The following PLCH2 variants were observed in gnomAD, a reference collection of about 807,000 sequenced individuals.
PLCH2 encodes phospholipase C eta 2.
Under a neutral mutation model 134.7 loss-of-function variants are expected in PLCH2, and 98 were observed. The ratio of observed to expected loss-of-function variants is 0.73; its 90% CI spans 0.62 to 0.86. PLCH2 has a LOEUF of 0.86. Among genes scored for constraint, PLCH2 ranks in the 40% least tolerant of loss-of-function variants. The pLI is 0.00. For missense variants in PLCH2, 1,994 were observed against 1,986.6 expected (o/e 1.00, Z -0.07); for synonymous variants, 974 against 827.5 (o/e 1.18, Z -3.04).
intron 1 of PLCH2, among the ~76,000 whole-genome samples, chr1:2,430,042 C>T (rs867130517): frequency 1.5e-4 from 23 of 152,166 alleles, no homozygotes; most frequent in African/African-American, 3.6e-4. Flanking sequence ...GCTGTGGCCT[C>T]GGGTCCCTGG....
intron 4 of PLCH2, among the ~76,000 whole-genome samples, chr1:2,480,990 G>C (rs1033747142): frequency 6.6e-6 from 1 of 152,236 alleles, no homozygotes; most frequent in Non-Finnish European, 1.5e-5. Context: ...GCCAGGCCCT[G>C]GGGTCTCTGA....
Position 2,495,530 on chromosome 1 carries a change from G to A in PLCH2, c.1795G>A (p.Gly599Arg), listed in dbSNP as rs1399146626. 2 of 1,551,994 alleles carry A rather than the reference G, an allele frequency of 1.3e-6. No homozygotes were observed. Among genetic ancestry groups the A allele is most frequent in the Admixed American group, 2.0e-5 (1 of 51,078 alleles). ...KLKKAASVEE[G>R]DEGQDSPGGQ... ...GAAGAAGGCGGCCAGCGTGGAGGAG[G>A]GAGATGAGGGTCAGGACTCCCCGGG... is the stretch of plus-strand genomic sequence containing the variant. The change falls in exon 13 of 22, where the codon GGA becomes AGA. Residue 599 changes from glycine (G) to arginine (R), a missense_variant. By Grantham distance (125) the Gly-to-Arg change is moderately radical (BLOSUM62 -2). Around this residue, in one of 2 missense-constraint regions of PLCH2, gnomAD observed 1,094 missense variants for 1,234.3 expected, o/e 0.89. Coordinates refer to ENST00000378486, the MANE Select transcript of PLCH2 (RefSeq NM_014638.4).
At chr1:2,455,578 C>T (rs1175259253) in intron 2 of PLCH2, among the ~76,000 whole-genome samples, 3 of 152,300 alleles carry the variant, frequency 2.0e-5, no homozygotes, top group African/African-American at 7.2e-5. Context: ...TGCTCTGTGG[C>T]CACCATAGCT....
At chr1:2,422,495 C>T (rs969747424), upstream of PLCH2, among the ~76,000 whole-genome samples, 4 of 152,124 alleles carry the variant, frequency 2.6e-5, no homozygotes, top group Non-Finnish European at 1.5e-5. Flanking sequence ...AGGGCTGAGC[C>T]GCCTTTTCAG....
chr1:2,489,695 G>A, intron 9 of PLCH2, 65 bp from the exon 10 acceptor site: 1 of 1,304,198 alleles, frequency 7.7e-7, no homozygotes, highest in Non-Finnish European at 1.1e-6. Context: ...CTCTTTGTGG[G>A]TGCCAGGTAC....
rs1643258680 is a variant in PLCH2 at position 2,502,138 on chromosome 1, C to T, written c.2688C>T (p.Gly896=). 2 of 1,468,298 alleles carry T rather than the reference C, an allele frequency of 1.4e-6. No homozygotes were observed. The highest frequency in any genetic ancestry group is 1.8e-6 in the Non-Finnish European group (2 of 1,114,162). 91.0% of individuals were successfully genotyped at this position (1,468,298 alleles called of 1,614,324 possible). ...TCAAGCAGGCTCTGGGCCTAAAAGGCCTCTTCCTCCGAGGCCCAAAGCCCG... is the reference window on the plus strand; with the variant it reads ...TCAAGCAGGCTCTGGGCCTAAAAGGTCTCTTCCTCCGAGGCCCAAAGCCCG... ...GKVKQALGLK[G]LFLRGPKPGS... is the part of the protein sequence containing the mutation. The change falls in exon 21 of 22, where the codon GGC becomes GGT. Residue 896 remains glycine, a synonymous_variant. Transcript: ENST00000378486.
rs115515656 is a variant in PLCH2 at position 2,458,750 on chromosome 1, C to G, written c.116-19726C>G. On this transcript the variant is annotated intron_variant, in intron 2 of 3. Transcript: ENST00000609981. ...GCCTGCCCCCAGTATGGGCAGCCCC[C>G]CAAAGACCCATCTGCACAGGGATGA... Among the ~76,000 whole-genome samples, 1,408 of 152,328 alleles carry G rather than the reference C, an allele frequency of 9.2e-3. 12 individuals are homozygous for G. The highest frequency in any genetic ancestry group is 0.038 in the East Asian group (196 of 5,180).
At position 2,503,836 on chromosome 1, in the gene PLCH2, C is replaced by T. The variant is rs572030848; in HGVS notation, c.2960-86C>T. 47 of 640,264 alleles carry T rather than the reference C, an allele frequency of 7.3e-5. No individual in the cohort carries two copies. In the Middle Eastern group the frequency reaches 2.2e-3, roughly 30 times the overall value. The allele number at this position is 640,264 out of a possible 1,614,324, so 39.7% of individuals were successfully genotyped here. A position where few individuals can be genotyped will look rare whatever the true frequency, so the allele number is the denominator to read the frequency against. On this transcript the variant is annotated intron_variant, in intron 21 of 21. Coordinates refer to ENST00000378486, the MANE Select transcript of PLCH2 (RefSeq NM_014638.4). ...GGGCACCGGGGACACCACCCTGATC[C>T]GACTCCTCTCCGCCTCTCTCCCTGC...
At position 2,449,471 on chromosome 1, in the gene PLCH2, G is replaced by A. The variant is rs369681319; in HGVS notation, c.115+18842G>A. On this transcript the variant is annotated intron_variant, in intron 2 of 3. Transcript: ENST00000609981. Reference sequence around the variant, plus strand: ...GATGGTGCTACTGCACTCCAGCCTGGGTGACATAGTGAGACTCTGTCTCAA... The same window carrying A: ...GATGGTGCTACTGCACTCCAGCCTGAGTGACATAGTGAGACTCTGTCTCAA... 3.3e-3 allele frequency among the ~76,000 whole-genome samples: 494 copies of A among 151,894 alleles called. 1 individual carries two copies. The highest frequency in any genetic ancestry group is 0.011 in the African/African-American group (466 of 41,358).
At chr1:2,484,719 G>C in intron 5 of PLCH2, 101 bp downstream of exon 5, 1 of 1,312,958 alleles carries the variant, frequency 7.6e-7, no homozygotes, top group Non-Finnish European at 1.0e-6. Context: ...TGGGGGAGCT[G>C]TCTGAAGCTA....
upstream of PLCH2, among the ~76,000 whole-genome samples, chr1:2,424,878 C>T (rs918911322): frequency 2.2e-4 from 34 of 152,134 alleles, no homozygotes; most frequent in Admixed American, 1.4e-3. Context: ...CCCAGTTACT[C>T]GGGAGGCTGA....
intron 1 of PLCH2, among the ~76,000 whole-genome samples, chr1:2,426,653 T>G (rs60433957): frequency 0.17 from 26,610 of 152,172 alleles, 2,418 homozygotes; most frequent in Middle Eastern, 0.23. Flanking sequence ...CGGGCTCCAC[T>G]CCCTCCATGA....
In PLCH2 at chr1:2,451,782, C is replaced by T. The variant is rs372286146; in HGVS notation, c.115+21153C>T. 3.4e-3 allele frequency among the ~76,000 whole-genome samples: 517 copies of T among 152,248 alleles called. 2 individuals are homozygous for T. Among genetic ancestry groups the T allele is most frequent in the African/African-American group, 0.012 (487 of 41,558 alleles). On this transcript the variant is annotated intron_variant, in intron 2 of 3. Coordinates refer to the PLCH2 transcript ENST00000609981. ...TGGCCCCACCGGCCTGGGACCCTAACGTGCTCTTGGCCCCAGCCCTGCCCC... is the reference window on the plus strand; with the variant it reads ...TGGCCCCACCGGCCTGGGACCCTAATGTGCTCTTGGCCCCAGCCCTGCCCC...
chr1:2,458,191 G>A (rs547893674), intron 2 of PLCH2, among the ~76,000 whole-genome samples: 36 of 152,340 alleles, frequency 2.4e-4, no homozygotes, highest in African/African-American at 7.5e-4. Context: ...ACACCGGGCT[G>A]CCTGGGGCGG....
At chr1:2,494,710 C>A (rs2182177) in intron 11 of PLCH2, 146 bp from the exon 12 acceptor site, 166,703 of 544,232 alleles carry the variant, frequency 0.31, 35,360 homozygotes, top group East Asian at 0.53. Context: ...CCCCGCCCTG[C>A]CCTCCCCTCC....
intron 20 of PLCH2, chr1:2,500,612 C>G (rs1415749872): frequency 6.6e-6 from 1 of 152,296 alleles, no homozygotes; most frequent in African/African-American, 2.4e-5. Context: ...CATGCCCAGG[C>G]CGCACCCCAT....
chr1:2,499,619 C>T (rs778240609), intron 19 of PLCH2, 22 bp from the exon 20 acceptor site: 7 of 1,577,826 alleles, frequency 4.4e-6, no homozygotes, highest in Non-Finnish European at 6.0e-6. Flanking sequence ...CCTCATGACC[C>T]TGCTGACCCA....
chr1:2,489,665 C>G lies in PLCH2; in HGVS notation c.1408-95C>G. 3.0e-6 allele frequency: 3 copies of G among 993,084 alleles called. No individual in the cohort carries two copies. In the South Asian group the frequency reaches 4.2e-5, roughly 14 times the overall value. The allele number at this position is 993,084 out of a possible 1,614,324, so 61.5% of individuals were successfully genotyped here. A position where few individuals can be genotyped will look rare whatever the true frequency, so the allele number is the denominator to read the frequency against. On this transcript the variant is annotated intron_variant, in intron 9 of 21. Transcript: ENST00000378486. ...TGCCAAAACTGAGCTTGAGAAAAGG[C>G]CCCTCTCCTTGGCCGGCGGCTCTTT... is the stretch of plus-strand genomic sequence containing the variant.
At position 2,502,583 on chromosome 1, in the gene PLCH2, C is replaced by A. The variant is rs551931762; in HGVS notation, c.2959+174C>A. On this transcript the variant is annotated intron_variant, in intron 21 of 21. Transcript: ENST00000378486. ...GAGGGAGCGGCCACCCAGCCCGGGGCCTGCAAGCAGGCAGGCAGCCATTCG... is the reference window on the plus strand; with the variant it reads ...GAGGGAGCGGCCACCCAGCCCGGGGACTGCAAGCAGGCAGGCAGCCATTCG... 20 of 755,078 alleles carry A rather than the reference C, an allele frequency of 2.6e-5. No individual in the cohort carries two copies. The East Asian group carries it at 4.8e-4, about 18-fold the overall frequency. The allele number at this position is 755,078 out of a possible 1,614,324, so 46.8% of individuals were successfully genotyped here.
Sources: gnomAD v4.1 joint callset for allele counts (sites outside exome capture counted in the v4.1 genomes callset) on GRCh38, gnomAD v4.1.1 for gene constraint, gnomAD v4.1.1 regional missense constraint, MANE v1.5 for transcripts, NCBI Gene and HGNC (gene_info 2026-07-23, HGNC 2026-07-21) for gene names.